Variants in CTNNA3 observed in about 807,000 individuals in gnomAD.
CTNNA3 encodes the protein catenin alpha-3.
In CTNNA3, 76 loss-of-function variants were observed where a neutral mutation model predicts 95.7. The observed-to-expected ratio is 0.79, with a 90% CI of 0.66 to 0.96. CTNNA3 has a LOEUF of 0.96. Among genes scored for constraint, CTNNA3 ranks in the 40% least tolerant of loss-of-function variants. The pLI is 0.00. For synonymous variants in CTNNA3, 431 were observed against 374.4 expected, an observed-to-expected ratio of 1.15 and a Z score of -1.74; for missense variants, 1,191 against 1,089.8, an observed-to-expected ratio of 1.09 and a Z score of -1.31.
chr10:66,048,075 G>C (rs1463829570), intron 15 of CTNNA3, among the ~76,000 whole-genome samples: 5 of 152,022 alleles, frequency 3.3e-5, no homozygotes, highest in African/African-American at 1.2e-4. Flanking sequence ...ATTCAATGCT[G>C]TTCCTATTAA....
intron 17 of CTNNA3, among the ~76,000 whole-genome samples, chr10:65,961,478 G>T (rs1478411379): frequency 3.9e-5 from 6 of 152,130 alleles, no homozygotes; most frequent in African/African-American, 1.4e-4. Context: ...CATAAATCAT[G>T]TAAAAATATT....
intron 11 of CTNNA3, among the ~76,000 whole-genome samples, chr10:66,513,052 A>G (rs1356494951): frequency 6.6e-6 from 1 of 152,120 alleles, no homozygotes; most frequent in Admixed American, 6.5e-5. Flanking sequence ...ATCTCCCAAG[A>G]GTTGGAAACT....
chr10:66,901,981 C>A (rs1263990810), intron 7 of CTNNA3, among the ~76,000 whole-genome samples: 3 of 152,018 alleles, frequency 2.0e-5, no homozygotes, highest in Non-Finnish European at 4.4e-5. Context: ...AGACAGAAGG[C>A]TAACAAGGAT....
chr10:66,420,911 G>GGTAT (rs1317169573), intron 11 of CTNNA3, among the ~76,000 whole-genome samples: 1 of 151,934 alleles, frequency 6.6e-6, no homozygotes, highest in African/African-American at 2.4e-5. Flanking sequence ...CTCACTGCTG[G>GGTAT]GTATGTATTC....
chr10:66,777,871 G>A (rs562878718), intron 7 of CTNNA3, among the ~76,000 whole-genome samples: 74 of 151,272 alleles, frequency 4.9e-4, no homozygotes, highest in Admixed American at 1.8e-3. Context: ...GTAAAAACCC[G>A]CTAGCTTCTG....
intron 7 of CTNNA3, among the ~76,000 whole-genome samples, chr10:67,081,938 A>AGAGG (rs564103594): frequency 1.5e-4 from 23 of 152,268 alleles, no homozygotes; most frequent in East Asian, 7.7e-4. Context: ...TTAAAGACTT[A>AGAGG]GAGCTCCTTG....
intron 10 of CTNNA3, among the ~76,000 whole-genome samples, chr10:66,525,565 C>G (rs16923206): frequency 0.043 from 6,573 of 151,854 alleles, 188 homozygotes; most frequent in East Asian, 0.064. Context: ...ATCCTTGAAA[C>G]CATAAAGCCA....
At chr10:66,729,653 G>A (rs1284490552) in intron 9 of CTNNA3, among the ~76,000 whole-genome samples, 2 of 152,158 alleles carry the variant, frequency 1.3e-5, no homozygotes, top group Non-Finnish European at 2.9e-5. Context: ...AAGGGTGGAA[G>A]GGGGCGAGGG....
intron 5 of CTNNA3, among the ~76,000 whole-genome samples, chr10:67,491,337 G>A (rs1848641482): frequency 6.6e-6 from 1 of 152,184 alleles, no homozygotes; most frequent in Admixed American, 6.5e-5. Flanking sequence ...TTGGGGAATA[G>A]AGAGGAAACA....
intron 12 of CTNNA3, among the ~76,000 whole-genome samples, chr10:66,285,655 T>C (rs1049322412): frequency 2.0e-5 from 3 of 151,898 alleles, no homozygotes; most frequent in Non-Finnish European, 4.4e-5. Context: ...TACTACTTTA[T>C]AAATTTTATT....
chr10:67,387,117 G>T (rs529901077), intron 5 of CTNNA3, among the ~76,000 whole-genome samples: 1 of 151,892 alleles, frequency 6.6e-6, no homozygotes, highest in South Asian at 2.1e-4. Flanking sequence ...CGCAGAAGAC[G>T]GGTGATTTCT....
At chr10:66,420,894 C>T (rs2132630963) in intron 11 of CTNNA3, among the ~76,000 whole-genome samples, 1 of 151,938 alleles carries the variant, frequency 6.6e-6, no homozygotes, top group African/African-American at 2.4e-5. Flanking sequence ...CAATATGATC[C>T]AGCAATCTCA....
intron 7 of CTNNA3, among the ~76,000 whole-genome samples, chr10:67,170,323 A>T (rs1861961674): frequency 6.6e-6 from 1 of 152,198 alleles, no homozygotes; most frequent in South Asian, 2.1e-4. Flanking sequence ...ATGTACACGA[A>T]TGTTCATTGC....
intron 15 of CTNNA3, among the ~76,000 whole-genome samples, chr10:66,009,558 C>T (rs1214702185): frequency 6.6e-6 from 1 of 152,158 alleles, no homozygotes; most frequent in Non-Finnish European, 1.5e-5. Context: ...TCTTTTCACT[C>T]TCGAAAAGAA....
At chr10:67,282,749 A>G (rs939469844) in intron 5 of CTNNA3, among the ~76,000 whole-genome samples, 4 of 152,080 alleles carry the variant, frequency 2.6e-5, no homozygotes, top group Non-Finnish European at 5.9e-5. Flanking sequence ...GTGACTACTG[A>G]CTTTCAAGAT....
rs967659367 is a variant in CTNNA3, at chr10:67,083,322, T to C, written c.1047+96995A>G. On this transcript the variant is annotated intron_variant, in intron 7 of 17. Coordinates refer to ENST00000433211, the MANE Select transcript of CTNNA3 (RefSeq NM_013266.4). ...CACTATGAAGACCAAGCAATCAATA[T>C]AATGATTAGGAAACAGTTCCAATCA... Among the ~76,000 whole-genome samples the C allele has an allele frequency of 1.4e-4, 22 of 152,012 alleles. No homozygotes were observed. The East Asian group carries it at 4.2e-3, about 29-fold the overall frequency.
intron 10 of CTNNA3, among the ~76,000 whole-genome samples, chr10:66,536,324 A>C (rs1432712778): frequency 6.6e-6 from 1 of 151,940 alleles, no homozygotes; most frequent in East Asian, 1.9e-4. Flanking sequence ...TATACTAAAA[A>C]TGCAAAAAGT....
intron 7 of CTNNA3, among the ~76,000 whole-genome samples, chr10:66,814,062 C>T (rs1290151122): frequency 6.6e-6 from 1 of 151,986 alleles, no homozygotes; most frequent in Non-Finnish European, 1.5e-5. Flanking sequence ...GGAAAATTCT[C>T]AAGGATGACT....
At chr10:66,555,022 C>A (rs546261814) in intron 10 of CTNNA3, among the ~76,000 whole-genome samples, 1 of 152,054 alleles carries the variant, frequency 6.6e-6, no homozygotes, top group East Asian at 1.9e-4. Context: ...ATGATAATTC[C>A]ATTTAAGGGA....
Sources: gnomAD v4.1 joint callset for allele counts (sites outside exome capture counted in the v4.1 genomes callset) on GRCh38, gnomAD v4.1.1 for gene constraint, MANE v1.5 for transcripts, NCBI Gene and HGNC (gene_info 2026-07-23, HGNC 2026-07-21) for gene names.